Variants in MNAT1 observed in about 807,000 individuals in gnomAD.
MNAT1 encodes the protein MNAT1 component of CDK activating kinase, also known as CDK-activating kinase assembly factor MAT1.
A neutral mutation model predicts 42.0 loss-of-function variants in MNAT1; 43 were observed. That is an observed-to-expected ratio of 1.02 (90% CI 0.80 to 1.32). The LOEUF (loss-of-function observed/expected upper bound fraction) is 1.32. Ranked by LOEUF, MNAT1 falls within the 40% of genes most tolerant of loss-of-function variation. The probability of loss-of-function intolerance (pLI) is 0.00; values close to 1 mark genes in which losing one functional copy is unlikely to be tolerated. For synonymous variants in MNAT1, 118 were observed against 120.0 expected (o/e 0.98, Z 0.11); for missense variants, 306 against 350.4 (o/e 0.87, Z 1.01).
chr14:60,899,059 T>C (rs548207458), intron 7 of MNAT1, among the ~76,000 whole-genome samples: 1 of 152,286 alleles, frequency 6.6e-6, no homozygotes, highest in South Asian at 2.1e-4. Flanking sequence ...TGATTATTAA[T>C]TGGCCGTAAA....
intron 6 of MNAT1, among the ~76,000 whole-genome samples, chr14:60,864,600 A>G (rs750923048): frequency 1.3e-4 from 20 of 152,028 alleles, no homozygotes; most frequent in Non-Finnish European, 1.9e-4. Context: ...ATATTTCTGT[A>G]TCATTTTAGT....
chr14:60,933,813 T>A (rs2035937146), intron 7 of MNAT1, among the ~76,000 whole-genome samples: 1 of 152,108 alleles, frequency 6.6e-6, no homozygotes, highest in Admixed American at 6.6e-5. Flanking sequence ...TATATAGAAT[T>A]TTTTCACTTA....
chr14:60,877,145 G>T (rs1217527214), intron 6 of MNAT1, among the ~76,000 whole-genome samples: 1 of 151,992 alleles, frequency 6.6e-6, no homozygotes, highest in East Asian at 1.9e-4. Flanking sequence ...ATAGCCATGG[G>T]TGTGAAGTGG....
intron 1 of MNAT1, among the ~76,000 whole-genome samples, chr14:60,784,657 G>A (rs2140317158): frequency 6.6e-6 from 1 of 151,796 alleles, no homozygotes; most frequent in East Asian, 2.0e-4. Context: ...TAGAGATGGG[G>A]TTTCTACATG....
At chr14:60,862,413 T>C (rs2034116669) in intron 6 of MNAT1, among the ~76,000 whole-genome samples, 1 of 152,190 alleles carries the variant, frequency 6.6e-6, no homozygotes, top group Non-Finnish European at 1.5e-5. Flanking sequence ...AAGATTATAC[T>C]TGGCTGTATG....
intron 6 of MNAT1, among the ~76,000 whole-genome samples, chr14:60,867,277 A>T (rs1202907133): frequency 6.6e-6 from 1 of 152,104 alleles, no homozygotes; most frequent in Non-Finnish European, 1.5e-5. Context: ...TGTCTGCAGG[A>T]TGAAACCTCT....
intron 7 of MNAT1, among the ~76,000 whole-genome samples, chr14:60,911,928 G>A (rs1265780266): frequency 4.6e-5 from 7 of 152,150 alleles, no homozygotes; most frequent in Admixed American, 3.3e-4. Context: ...GGGTGTTAAA[G>A]TCTCCCATTA....
chr14:60,825,994 A>G (rs1417405007), intron 6 of MNAT1, among the ~76,000 whole-genome samples: 1 of 152,338 alleles, frequency 6.6e-6, no homozygotes, highest in East Asian at 1.9e-4. Flanking sequence ...GACAGAAAAG[A>G]CTGAATTTAT....
intron 6 of MNAT1, among the ~76,000 whole-genome samples, chr14:60,865,019 G>A (rs2034174053): frequency 6.6e-6 from 1 of 151,954 alleles, no homozygotes; most frequent in Admixed American, 6.6e-5. Context: ...TGGAGATAGG[G>A]TAGATGATTA....
At chr14:60,744,423 C>T (rs903198949) in intron 1 of MNAT1, among the ~76,000 whole-genome samples, 5 of 150,716 alleles carry the variant, frequency 3.3e-5, no homozygotes, top group African/African-American at 4.9e-5. Flanking sequence ...TGAGCCATCA[C>T]GCCCAGCCAT....
intron 7 of MNAT1, among the ~76,000 whole-genome samples, chr14:60,889,204 A>G (rs530415614): frequency 6.6e-6 from 1 of 152,338 alleles, no homozygotes; most frequent in Non-Finnish European, 1.5e-5. Context: ...AAACTATACT[A>G]CAAGGCTACA....
intron 3 of MNAT1, among the ~76,000 whole-genome samples, chr14:60,798,490 T>C (rs1286656744): frequency 2.0e-5 from 3 of 152,138 alleles, no homozygotes; most frequent in African/African-American, 7.2e-5. Flanking sequence ...CATATTCTGA[T>C]TTTTCAAAAA....
At chr14:60,925,723 T>G (rs2035752196) in intron 7 of MNAT1, among the ~76,000 whole-genome samples, 2 of 152,338 alleles carry the variant, frequency 1.3e-5, no homozygotes, top group Admixed American at 6.5e-5. Context: ...TCAACTGTGT[T>G]AATACTTTTT....
chr14:60,880,090 G>A (rs113071749), intron 7 of MNAT1: 8 of 247,384 alleles, frequency 3.2e-5, no homozygotes, highest in African/African-American at 6.7e-5. Context: ...TTGAAATGGC[G>A]TTTATTTTCA....
In MNAT1 at chr14:60,913,972, C is replaced by G. The variant is rs866519655; in HGVS notation, c.809+34137C>G. ...CCTCCTTGAGCTGTGGTGGGCTCCA[C>G]GCAGTTCGAGCTTCCTGGCTGCTTT... On this transcript the variant is annotated intron_variant, in intron 7 of 7. Transcript: ENST00000261245. Among the ~76,000 whole-genome samples the G allele has an allele frequency of 3.3e-5, 5 of 152,358 alleles. No individual in the cohort carries two copies. The South Asian group carries it at 6.2e-4, about 19-fold the overall frequency.
chr14:60,934,061 A>G (rs2035941657), intron 7 of MNAT1, among the ~76,000 whole-genome samples: 1 of 152,166 alleles, frequency 6.6e-6, no homozygotes, highest in South Asian at 2.1e-4. Context: ...AAAGGTAGAG[A>G]TGTACATAAG....
At position 60,740,325 on chromosome 14, in the gene MNAT1, C is replaced by T. The variant is rs935164321; in HGVS notation, c.89+5374C>T. Among the ~76,000 whole-genome samples the T allele has an allele frequency of 3.3e-5, 5 of 152,278 alleles. No homozygotes were observed. The highest frequency in any genetic ancestry group is 3.4e-3 in the Middle Eastern group (1 of 294). ...GCAATGTTTTGTGATAGTTACTTAA[C>T]ATCTTTCTCTTTCTTTTTTTCCCTT... is the stretch of plus-strand genomic sequence containing the variant. On this transcript the variant is annotated intron_variant, in intron 1 of 7. Transcript: ENST00000261245. The surrounding 1 kb of genome is among the most constrained non-coding windows in gnomAD (Gnocchi z 4.1).
intron 7 of MNAT1, among the ~76,000 whole-genome samples, chr14:60,933,851 A>G (rs985009430): frequency 6.6e-6 from 1 of 152,164 alleles, no homozygotes. Flanking sequence ...ATCTACGCAC[A>G]TTGTCTGGAA....
chr14:60,944,461 A>C (rs755320358), intron 7 of MNAT1, among the ~76,000 whole-genome samples: 7 of 152,242 alleles, frequency 4.6e-5, no homozygotes, highest in Non-Finnish European at 7.3e-5. Context: ...AGCCCTCGCC[A>C]GCAACCAAAT....
Sources: allele counts gnomAD v4.1 joint callset (sites outside exome capture counted in the v4.1 genomes callset), GRCh38; gene constraint gnomAD v4.1.1; non-coding constraint Gnocchi (gnomAD v3.1); transcripts MANE v1.5; gene names NCBI Gene and HGNC (gene_info 2026-07-23, HGNC 2026-07-21).